HCN1: variants seen among roughly 807,000 people sequenced by gnomAD.
HCN1 encodes the protein hyperpolarization activated cyclic nucleotide gated potassium channel 1.
Under a neutral mutation model 78.9 loss-of-function variants are expected in HCN1, and 13 were observed. The observed-to-expected ratio is 0.16, with a 90% CI of 0.11 to 0.26. The LOEUF (loss-of-function observed/expected upper bound fraction) is 0.26. Ranked by LOEUF, HCN1 falls within the 10% of genes least tolerant of loss-of-function variation. The pLI is 1.00. For missense variants in HCN1, 810 were observed against 1,154.3 expected, an observed-to-expected ratio of 0.70 and a Z score of 4.32; for synonymous variants, 552 against 455.5, an observed-to-expected ratio of 1.21 and a Z score of -2.70.
chr5:45,366,876 T>A (rs1287236181), intron 4 of HCN1, among the ~76,000 whole-genome samples: 2 of 151,726 alleles, frequency 1.3e-5, no homozygotes, highest in Non-Finnish European at 3.0e-5. Context: ...TCAAAATGGA[T>A]GTTATCATGG....
chr5:45,547,102 T>A (rs1024515363), intron 2 of HCN1, among the ~76,000 whole-genome samples: 1 of 151,986 alleles, frequency 6.6e-6, no homozygotes, highest in African/African-American at 2.4e-5. Context: ...AATATTCTTA[T>A]GACAAAATCT....
intron 4 of HCN1, among the ~76,000 whole-genome samples, chr5:45,375,737 ATATCTTATATATAATAT>A (rs1747620296): frequency 3.0e-4 from 35 of 117,518 alleles, no homozygotes; most frequent in African/African-American, 6.4e-4. Flanking sequence ...ATTTTATGAT[ATATCTTATATATAATAT>A]CATATTTTAT....
At chr5:45,271,915 T>C (rs1449261455) in intron 6 of HCN1, among the ~76,000 whole-genome samples, 1 of 152,112 alleles carries the variant, frequency 6.6e-6, no homozygotes, top group African/African-American at 2.4e-5. Context: ...CTGCATGTCC[T>C]CAATAATTTC....
At chr5:45,389,677 T>A (rs1050641478) in intron 4 of HCN1, among the ~76,000 whole-genome samples, 6 of 152,182 alleles carry the variant, frequency 3.9e-5, no homozygotes, top group African/African-American at 1.4e-4. Flanking sequence ...ATTTGGATCC[T>A]ACTTACTTAT....
At chr5:45,497,221 C>T (rs1035928744) in intron 2 of HCN1, among the ~76,000 whole-genome samples, 1 of 152,118 alleles carries the variant, frequency 6.6e-6, no homozygotes, top group Non-Finnish European at 1.5e-5. Flanking sequence ...ATTAGGTCCA[C>T]TTGGTGCAGA....
intron 5 of HCN1, among the ~76,000 whole-genome samples, chr5:45,330,333 T>C (rs987791262): frequency 1.3e-5 from 2 of 151,162 alleles, no homozygotes; most frequent in Non-Finnish European, 1.5e-5. Context: ...AGGAAGGAAA[T>C]TGTGGATATA....
chr5:45,490,156 G>C (rs1000947710), intron 2 of HCN1, among the ~76,000 whole-genome samples: 1 of 152,136 alleles, frequency 6.6e-6, no homozygotes, highest in Non-Finnish European at 1.5e-5. Context: ...TGAAGCAGGG[G>C]AGAAAATAGC....
intron 2 of HCN1, among the ~76,000 whole-genome samples, chr5:45,614,873 T>C (rs11743392): frequency 0.35 from 52,404 of 151,564 alleles, 11,547 homozygotes; most frequent in Non-Finnish European, 0.46. Flanking sequence ...CAACTCCCAA[T>C]AATTTGAAAT....
intron 4 of HCN1, among the ~76,000 whole-genome samples, chr5:45,377,050 A>T (rs1004660440): frequency 6.6e-6 from 1 of 152,042 alleles, no homozygotes. Context: ...AAAAGGTTTG[A>T]CTTAGCTCTA....
chr5:45,560,903 GT>G (rs1391087896), intron 2 of HCN1, among the ~76,000 whole-genome samples: 5 of 152,090 alleles, frequency 3.3e-5, no homozygotes, highest in Admixed American at 1.3e-4. Flanking sequence ...TAGCGTGGAA[GT>G]TTTTTAACTG....
At chr5:45,441,384 AGAAG>A (rs1246165390) in intron 3 of HCN1, among the ~76,000 whole-genome samples, 1 of 140,016 alleles carries the variant, frequency 7.1e-6, no homozygotes, top group African/African-American at 2.6e-5. Context: ...AAGGAGCGAG[AGAAG>A]GAAGGAAGGA....
At chr5:45,478,611 G>A (rs565406178) in intron 2 of HCN1, among the ~76,000 whole-genome samples, 2 of 152,280 alleles carry the variant, frequency 1.3e-5, no homozygotes, top group South Asian at 2.1e-4. Context: ...ATCAACCAAT[G>A]AATGTAAGGG....
At chr5:45,591,094 G>C (rs1179371076) in intron 2 of HCN1, among the ~76,000 whole-genome samples, 1 of 151,976 alleles carries the variant, frequency 6.6e-6, no homozygotes, top group Non-Finnish European at 1.5e-5. Flanking sequence ...ATGATTCACT[G>C]TGTTTGGCCT....
chr5:45,533,824 C>A (rs528143897), intron 2 of HCN1, among the ~76,000 whole-genome samples: 104 of 152,196 alleles, frequency 6.8e-4, no homozygotes, highest in Non-Finnish European at 1.2e-3. Flanking sequence ...GTAAACTACA[C>A]AATTCCTAGT....
Position 45,268,778 on chromosome 5 carries a change from G to A in HCN1, c.1619-1525C>T, listed in dbSNP as rs1351141534. Among the ~76,000 whole-genome samples, 6 of 152,130 alleles carry A rather than the reference G, an allele frequency of 3.9e-5. No homozygotes were observed. In the South Asian group the frequency reaches 1.2e-3, roughly 32 times the overall value. On this transcript the variant is annotated intron_variant, in intron 6 of 7. Coordinates refer to ENST00000303230, the MANE Select transcript of HCN1 (RefSeq NM_021072.4). ...TCTGTGTGTTTGTCTGAATGTTTTT[G>A]TGCCTGAATATGTGTGTGTGTCTGT...
intron 2 of HCN1, chr5:45,643,307 C>G (rs1249876674): frequency 6.6e-6 from 1 of 151,964 alleles, no homozygotes; most frequent in South Asian, 2.1e-4. Flanking sequence ...GCTAAAACCA[C>G]AAGATATTAA....
intron 2 of HCN1, among the ~76,000 whole-genome samples, chr5:45,562,738 T>C (rs1743629865): frequency 6.6e-6 from 1 of 152,192 alleles, no homozygotes; most frequent in African/African-American, 2.4e-5. Flanking sequence ...TGCCACTTTT[T>C]CTTTCTACAC....
At chr5:45,470,609 T>A (rs1230979470) in intron 2 of HCN1, among the ~76,000 whole-genome samples, 1 of 151,922 alleles carries the variant, frequency 6.6e-6, no homozygotes, top group Admixed American at 6.6e-5. Context: ...TCACCTTAAG[T>A]GCCAAAAATA....
intron 4 of HCN1, among the ~76,000 whole-genome samples, chr5:45,355,389 C>T (rs938007984): frequency 1.3e-5 from 2 of 151,926 alleles, no homozygotes; most frequent in African/African-American, 4.8e-5. Context: ...CATTCACAGT[C>T]TCCACTCCAG....
Sources: allele counts gnomAD v4.1 joint callset (sites outside exome capture counted in the v4.1 genomes callset), GRCh38; gene constraint gnomAD v4.1.1; transcripts MANE v1.5; gene names NCBI Gene and HGNC (gene_info 2026-07-23, HGNC 2026-07-21).